The following BACH2 variants were observed in gnomAD, a reference collection of about 807,000 sequenced individuals.
BACH2 encodes BACH transcriptional regulator 2.
Under a neutral mutation model 61.8 loss-of-function variants are expected in BACH2, and 5 were observed. The ratio of observed to expected loss-of-function variants is 0.08; its 90% confidence interval spans 0.04 to 0.17. The LOEUF is 0.17. Among genes scored for constraint, BACH2 ranks in the 10% least tolerant of loss-of-function variants. The probability of loss-of-function intolerance (pLI) is 1.00; values close to 1 mark genes in which losing one functional copy is unlikely to be tolerated. For missense variants in BACH2, 824 were observed against 1,091.1 expected (o/e 0.76, Z 3.45); for synonymous variants, 446 against 440.1 (o/e 1.01, Z -0.17).
chr6:89,992,250 A>G (rs912109230), intron 6 of BACH2, among the ~76,000 whole-genome samples: 2 of 152,252 alleles, frequency 1.3e-5, no homozygotes, highest in Admixed American at 6.5e-5. Context: ...ACAATTATGT[A>G]TTATTTTCCC....
intron 5 of BACH2, among the ~76,000 whole-genome samples, chr6:90,053,646 G>A (rs879238411): frequency 5.3e-5 from 8 of 152,282 alleles, no homozygotes; most frequent in East Asian, 1.9e-4. Context: ...GGTTTTGTAC[G>A]TCTGAAGAAA....
intron 2 of BACH2, among the ~76,000 whole-genome samples, chr6:90,266,908 C>T (rs971525029): frequency 6.6e-6 from 1 of 152,102 alleles, no homozygotes; most frequent in African/African-American, 2.4e-5. Flanking sequence ...TCTATATGAA[C>T]TTACCTCAAT....
Position 89,951,824 on chromosome 6 carries a change from G to C in BACH2, c.282C>G (p.Ala94=). The C allele has an allele frequency of 6.2e-7, 1 of 1,613,998 alleles. No individual in the cohort carries two copies. The highest frequency in any genetic ancestry group is 1.1e-5 in the South Asian group (1 of 91,080). ...TGCTGAGTAACAGCTTGGCAGTGTA[G>C]GCAAACTGTAACAGCGGCCCAAAGC... The part of the protein sequence containing the change: ...ARGFGPLLQF[A]YTAKLLLSRE... Residue 94 remains alanine, a synonymous_variant, in exon 7 of 9, where the codon GCC becomes GCG. Coordinates refer to ENST00000257749, the MANE Select transcript of BACH2 (RefSeq NM_021813.4). This position sits in a 1 kb window ranked among gnomAD's most constrained non-coding sequence, Gnocchi z 6.4.
intron 2 of BACH2, among the ~76,000 whole-genome samples, chr6:90,261,499 T>C (rs1484934706): frequency 6.6e-6 from 1 of 152,168 alleles, no homozygotes; most frequent in African/African-American, 2.4e-5. Flanking sequence ...TTGCTCTTGC[T>C]AGGATTACTG....
chr6:89,937,238 C>T (rs1773079560), intron 8 of BACH2, among the ~76,000 whole-genome samples: 1 of 152,128 alleles, frequency 6.6e-6, no homozygotes, highest in East Asian at 1.9e-4. Flanking sequence ...AGATCATCTC[C>T]TGAGCAATGG....
chr6:90,092,315 T>TATATATATATATATATATATAC lies in BACH2; in HGVS notation c.-161-3207_-161-3206insGTATATATATATATATATATAT, dbSNP rs142761642. On this transcript the variant is annotated intron_variant, in intron 4 of 8. Transcript: ENST00000257749. Reference sequence around the variant, plus strand: ...AAATATATATATATATATATATATATACACACACACACATTGCATCACTTG... The same window carrying TATATATATATATATATATATAC: ...AAATATATATATATATATATATATATATATATATATATATATATATACACACACACACACATTGCATCACTTG... 1.1e-4 allele frequency among the ~76,000 whole-genome samples: 12 copies of TATATATATATATATATATATAC among 112,446 alleles called. No homozygotes were observed. The East Asian group carries it at 4.8e-3, about 45-fold the overall frequency. 73.8% of individuals were successfully genotyped at this position (112,446 alleles called of 152,430 possible).
At chr6:90,232,206 T>A (rs985366592) in intron 3 of BACH2, among the ~76,000 whole-genome samples, 2 of 152,222 alleles carry the variant, frequency 1.3e-5, no homozygotes, top group African/African-American at 4.8e-5. Flanking sequence ...GACCTTCATC[T>A]TAGGTATAAT....
chr6:89,949,297 C>T (rs781106004), intron 7 of BACH2, among the ~76,000 whole-genome samples: 3 of 152,142 alleles, frequency 2.0e-5, no homozygotes, highest in South Asian at 4.1e-4. Context: ...TGTTCAATCC[C>T]GCTCCTGAGG....
chr6:90,151,427 G>A (rs560806882), intron 4 of BACH2, among the ~76,000 whole-genome samples: 24 of 152,164 alleles, frequency 1.6e-4, no homozygotes, highest in African/African-American at 4.6e-4. Flanking sequence ...TTGTACTGCA[G>A]GCATATACCA....
intron 5 of BACH2, among the ~76,000 whole-genome samples, chr6:90,015,176 C>T (rs549459261): frequency 1.6e-3 from 245 of 152,260 alleles, no homozygotes; most frequent in African/African-American, 5.5e-3. Context: ...TGTGTCTTCT[C>T]TTTCTGATCA....
chr6:90,176,403 G>A lies in BACH2; in HGVS notation c.-162+30166C>T, dbSNP rs78598996. Among the ~76,000 whole-genome samples the A allele has an allele frequency of 8.5e-3, 1,299 of 152,252 alleles. 13 individuals are homozygous for A. The highest frequency in any genetic ancestry group is 0.016 in the South Asian group (77 of 4,820). ...AAAACAGGAGATAGCTGTGGAAAGT[G>A]CACACTGGGAAGGGGCAGCTCTGAG... On this transcript the variant is annotated intron_variant, in intron 4 of 8. Transcript: ENST00000257749.
chr6:90,292,092 C>T (rs977938661), intron 1 of BACH2, among the ~76,000 whole-genome samples: 9 of 152,182 alleles, frequency 5.9e-5, no homozygotes, highest in African/African-American at 1.7e-4. Flanking sequence ...CTGTATGTCA[C>T]AGTCCTACAC....
chr6:90,259,226 T>C (rs1477149488), intron 2 of BACH2, among the ~76,000 whole-genome samples: 1 of 152,226 alleles, frequency 6.6e-6, no homozygotes, highest in Non-Finnish European at 1.5e-5. Context: ...TGGCCTTTAT[T>C]ACACAGAGAA....
At chr6:90,068,153 T>G (rs1246210844) in intron 5 of BACH2, among the ~76,000 whole-genome samples, 1 of 152,232 alleles carries the variant, frequency 6.6e-6, no homozygotes, top group Non-Finnish European at 1.5e-5. Context: ...TAAAAGATAC[T>G]TATTGTGAAA....
intron 4 of BACH2, among the ~76,000 whole-genome samples, chr6:90,116,341 A>C (rs1409650861): frequency 6.6e-5 from 10 of 152,220 alleles, no homozygotes; most frequent in Non-Finnish European, 1.3e-4. Context: ...TGTCTTTGGC[A>C]GGAACATGGA....
chr6:89,951,236 C>G lies in BACH2; in HGVS notation c.870G>C (p.Thr290=). Residue 290 remains threonine (T), a synonymous_variant, in exon 7 of 9, where the codon ACG becomes ACC. Coordinates refer to ENST00000257749, the MANE Select transcript of BACH2 (RefSeq NM_021813.4). The surrounding 1 kb of genome is among the most constrained non-coding windows in gnomAD (Gnocchi z 6.4). The part of the protein sequence containing the change: ...PSEENEEESI[T]LCLSGDEPDA... ...CAGGCTCATCTCCAGACAGGCAGAG[C>G]GTGATGCTCTCTTCCTCATTCTCTT... is the stretch of plus-strand genomic sequence containing the variant. 1 of 1,614,068 alleles carries G rather than the reference C, an allele frequency of 6.2e-7. No individual in the cohort carries two copies.
rs3221352 is a variant in BACH2 at position 90,218,920 on chromosome 6, CGTGTGTGT to C, written c.-274-12247_-274-12240del. On this transcript the variant is annotated intron_variant, in intron 3 of 8. Transcript: ENST00000257749. ...GGGCTGTGAATTTCGGTTTCCTTTC[CGTGTGTGT>C]GTGTGTGTGTGTGTGTGTGTGTGTG... 7.8e-3 allele frequency among the ~76,000 whole-genome samples: 1,098 copies of C among 140,486 alleles called. 16 individuals are homozygous for C. Among genetic ancestry groups the C allele is most frequent in the African/African-American group, 0.025 (946 of 37,808 alleles). 92.2% of individuals were successfully genotyped at this position (140,486 alleles called of 152,430 possible).
intron 4 of BACH2, among the ~76,000 whole-genome samples, chr6:90,205,147 A>T (rs1257839440): frequency 6.6e-6 from 1 of 152,174 alleles, no homozygotes; most frequent in Non-Finnish European, 1.5e-5. Flanking sequence ...AAAAGTCACC[A>T]CTGGAAGAGG....
chr6:89,938,193 T>C lies in BACH2; in HGVS notation c.1994A>G (p.Lys665Arg). 6.2e-7 allele frequency: 1 copy of C among 1,614,210 alleles called. No homozygotes were observed. The highest frequency in any genetic ancestry group is 8.5e-7 in the Non-Finnish European group (1 of 1,179,994). ...KNRIAAQRCR[K>R]RKLDCIQNLE... ...ATTCTGAATACAGTCCAGTTTCCTT[T>C]TGCGGCAGCGCTGGGCCGCGATGCG... The change falls in exon 8 of 9, where the codon AAA becomes AGA. Residue 665 changes from lysine to arginine, a missense_variant. Physicochemically the swap from Lys to Arg is conservative, Grantham distance 26. This residue lies in a region of BACH2 where 160 missense variants were observed against 283.5 expected (regional missense o/e 0.56). Coordinates refer to ENST00000257749, the MANE Select transcript of BACH2 (RefSeq NM_021813.4).
Sources: allele counts gnomAD v4.1 joint callset (sites outside exome capture counted in the v4.1 genomes callset), GRCh38; gene constraint gnomAD v4.1.1; regional missense constraint gnomAD v4.1.1; non-coding constraint Gnocchi (gnomAD v3.1); transcripts MANE v1.5; gene names NCBI Gene and HGNC (gene_info 2026-07-23, HGNC 2026-07-21).